Variants in FHIT observed in about 807,000 individuals in gnomAD.
The protein encoded by FHIT is fragile histidine triad diadenosine triphosphatase, also known as bis(5'-adenosyl)-triphosphatase.
Under a neutral mutation model 17.9 loss-of-function variants are expected in FHIT, and 19 were observed. The ratio of observed to expected loss-of-function variants is 1.06; its 90% CI spans 0.74 to 1.56. The LOEUF (loss-of-function observed/expected upper bound fraction) is 1.56. Ranked by LOEUF, FHIT falls within the 40% of genes most tolerant of loss-of-function variation. The pLI is 0.00. For missense variants in FHIT, 248 were observed against 189.2 expected (o/e 1.31, Z -1.82); for synonymous variants, 81 against 69.7 (o/e 1.16, Z -0.81).
chr3:60,641,662 T>C (rs1338135614), intron 4 of FHIT, among the ~76,000 whole-genome samples: 3 of 152,164 alleles, frequency 2.0e-5, no homozygotes, highest in South Asian at 4.1e-4. Flanking sequence ...TGAGCTTGTA[T>C]AATCCTGGGA....
intron 7 of FHIT, among the ~76,000 whole-genome samples, chr3:59,937,476 A>T (rs1313939236): frequency 6.6e-6 from 1 of 152,048 alleles, no homozygotes; most frequent in Admixed American, 6.6e-5. Flanking sequence ...GTCAGGAGGG[A>T]CTCATTTTGG....
At chr3:60,535,771 A>G (rs1576831783) in intron 5 of FHIT, 1 of 151,524 alleles carries the variant, frequency 6.6e-6, no homozygotes, top group African/African-American at 2.4e-5. Flanking sequence ...CTATAATACA[A>G]TCACAATTAT....
At chr3:60,048,333 C>T (rs756727793) in intron 5 of FHIT, among the ~76,000 whole-genome samples, 12 of 152,122 alleles carry the variant, frequency 7.9e-5, no homozygotes, top group Non-Finnish European at 1.2e-4. Flanking sequence ...TGTGCCACCA[C>T]GCTTCCCTAA....
intron 8 of FHIT, among the ~76,000 whole-genome samples, chr3:59,916,017 G>A (rs1559727268): frequency 6.6e-6 from 1 of 152,000 alleles, no homozygotes; most frequent in Non-Finnish European, 1.5e-5. Flanking sequence ...CAACTTGATT[G>A]GACTGAAGGA....
Position 60,114,281 on chromosome 3 carries a change from C to T in FHIT, c.104-100129G>A, listed in dbSNP as rs368315424. Among the ~76,000 whole-genome samples, 92 of 149,772 alleles carry T rather than the reference C, an allele frequency of 6.1e-4. 1 individual carries two copies. The highest frequency in any genetic ancestry group is 1.7e-3 in the African/African-American group (69 of 40,936). ...ATATAGCTACTTAGGAGCAGGGCTG[C>T]GACTAGAATTTAAAAATCTCCAACT... On this transcript the variant is annotated intron_variant, in intron 5 of 9. Coordinates refer to ENST00000492590, the MANE Select transcript of FHIT (RefSeq NM_002012.4).
intron 4 of FHIT, among the ~76,000 whole-genome samples, chr3:60,645,734 T>C (rs1160486873): frequency 6.6e-6 from 1 of 152,166 alleles, no homozygotes; most frequent in Non-Finnish European, 1.5e-5. Flanking sequence ...TACACATATA[T>C]ATGTGTGTAC....
At chr3:60,018,502 A>G (rs78279919) in intron 5 of FHIT, among the ~76,000 whole-genome samples, 1,553 of 152,282 alleles carry the variant, frequency 0.01, 26 homozygotes, top group African/African-American at 0.034. Flanking sequence ...GCTATAAAAA[A>G]TCCCAGCTAG....
chr3:60,369,727 TG>T (rs1202080054), intron 5 of FHIT, among the ~76,000 whole-genome samples: 1 of 152,174 alleles, frequency 6.6e-6, no homozygotes, highest in Non-Finnish European at 1.5e-5. Context: ...CTACACTGGC[TG>T]CGACAGGACT....
chr3:59,766,423 G>C (rs989910938), intron 8 of FHIT, among the ~76,000 whole-genome samples: 1 of 152,168 alleles, frequency 6.6e-6, no homozygotes, highest in African/African-American at 2.4e-5. Flanking sequence ...GTCTGAAACT[G>C]ATGTATCCCT....
chr3:60,523,353 C>T (rs567475579), intron 5 of FHIT, among the ~76,000 whole-genome samples: 2 of 152,072 alleles, frequency 1.3e-5, no homozygotes, highest in Non-Finnish European at 2.9e-5. Flanking sequence ...AAATCTTACT[C>T]TACTTTTTCA....
intron 5 of FHIT, among the ~76,000 whole-genome samples, chr3:60,441,783 AATATATATAT>A (rs71092605): frequency 1.7e-4 from 4 of 23,946 alleles, no homozygotes; most frequent in East Asian, 3.8e-3. Context: ...TATGTATAAA[AATATATATAT>A]ATATATATAT....
chr3:61,030,588 G>T (rs1398105781), intron 3 of FHIT, among the ~76,000 whole-genome samples: 1 of 152,158 alleles, frequency 6.6e-6, no homozygotes, highest in Admixed American at 6.5e-5. Flanking sequence ...AAAGATCTTT[G>T]TACTCACAAA....
At chr3:60,417,429 T>G (rs1455276493) in intron 5 of FHIT, among the ~76,000 whole-genome samples, 1 of 152,214 alleles carries the variant, frequency 6.6e-6, no homozygotes, top group East Asian at 1.9e-4. Context: ...TGGGTCCATT[T>G]GCTGAGACGG....
chr3:61,240,471 C>G (rs2040348235), intron 1 of FHIT, among the ~76,000 whole-genome samples: 1 of 152,104 alleles, frequency 6.6e-6, no homozygotes, highest in Non-Finnish European at 1.5e-5. Context: ...GGCATTTGCT[C>G]CACACCTGGC....
intron 5 of FHIT, among the ~76,000 whole-genome samples, chr3:60,192,197 G>C (rs1450931036): frequency 2.0e-5 from 3 of 149,036 alleles, no homozygotes; most frequent in Admixed American, 6.8e-5. Context: ...GTTGCAGTGA[G>C]CTGAGTTCAC....
intron 2 of FHIT, among the ~76,000 whole-genome samples, chr3:61,054,946 C>T (rs1053401692): frequency 2.0e-5 from 3 of 152,306 alleles, no homozygotes; most frequent in African/African-American, 4.8e-5. Context: ...CTGGTTAGGG[C>T]CCACTCATCC....
chr3:60,757,455 C>G (rs1380217839), intron 4 of FHIT, among the ~76,000 whole-genome samples: 2 of 152,212 alleles, frequency 1.3e-5, no homozygotes, highest in Non-Finnish European at 2.9e-5. Flanking sequence ...GAATGGAAAA[C>G]TTCCTTTAGG....
At chr3:60,359,160 C>A (rs1576533298) in intron 5 of FHIT, among the ~76,000 whole-genome samples, 1 of 151,892 alleles carries the variant, frequency 6.6e-6, no homozygotes, top group Non-Finnish European at 1.5e-5. Context: ...GAGAATTACA[C>A]AGCAGAGATT....
rs531761408 is a variant in FHIT, at chr3:60,824,154, C to T, written c.-110-2143G>A. ...TTTTAATAAGCTCTCTCTGGCTATT[C>T]GGTAAGAATAAACTGAAGAACAAGG... On this transcript the variant is annotated intron_variant, in intron 3 of 9. Transcript: ENST00000492590. Among the ~76,000 whole-genome samples, 91 of 152,236 alleles carry T rather than the reference C, an allele frequency of 6.0e-4. 1 individual carries two copies. Among genetic ancestry groups the T allele is most frequent in the Middle Eastern group, 6.8e-3 (2 of 294 alleles).
Sources: allele counts gnomAD v4.1 joint callset (sites outside exome capture counted in the v4.1 genomes callset), GRCh38; gene constraint gnomAD v4.1.1; transcripts MANE v1.5; gene names NCBI Gene and HGNC (gene_info 2026-07-23, HGNC 2026-07-21).